CALN1: variants seen among roughly 807,000 people sequenced by gnomAD.
CALN1 encodes the protein calneuron 1, also known as calcium-binding protein 8.
Under a neutral mutation model 30.6 loss-of-function variants are expected in CALN1, and 17 were observed. That is an observed-to-expected ratio of 0.56 (90% CI 0.38 to 0.83). The LOEUF (loss-of-function observed/expected upper bound fraction) is 0.83. CALN1 is among the 40% of genes least tolerant of loss of function. The pLI is 0.00. For missense variants in CALN1, 291 were observed against 354.9 expected (o/e 0.82, Z 1.45); for synonymous variants, 156 against 131.4 (o/e 1.19, Z -1.28).
At chr7:72,444,901 G>C (rs1808474382) in intron 1 of CALN1, among the ~76,000 whole-genome samples, 1 of 152,050 alleles carries the variant, frequency 6.6e-6, no homozygotes, top group Non-Finnish European at 1.5e-5. Flanking sequence ...GTCCCCAAAG[G>C]CCATGCCTTT....
intron 2 of CALN1, among the ~76,000 whole-genome samples, chr7:72,339,338 TG>T (rs1431349923): frequency 2.0e-5 from 3 of 152,188 alleles, no homozygotes; most frequent in African/African-American, 7.2e-5. Context: ...TACTCAGCAG[TG>T]GGATTGCTGG....
At chr7:72,267,082 A>G (rs1247268325) in intron 3 of CALN1, among the ~76,000 whole-genome samples, 1 of 152,300 alleles carries the variant, frequency 6.6e-6, no homozygotes. Flanking sequence ...GAGCCATCAG[A>G]TAAGAGTTGT....
At position 72,320,773 on chromosome 7, in the gene CALN1, T is replaced by C. The variant is rs928416922; in HGVS notation, c.120-41963A>G. ...TTGCTTGAGCCAGGGAGGCGGAGGT[T>C]GCAGTGAGCCGAGACCACACCACTG... is the stretch of plus-strand genomic sequence containing the variant. On this transcript the variant is annotated intron_variant, in intron 2 of 6. Transcript: ENST00000395275. Among the ~76,000 whole-genome samples the C allele has an allele frequency of 2.7e-5, 4 of 146,308 alleles. No homozygotes were observed. The East Asian group carries it at 8.2e-4, about 30-fold the overall frequency.
the CALN1 span, among the ~76,000 whole-genome samples, chr7:72,493,284 T>C: frequency 6.6e-6 from 1 of 152,142 alleles, no homozygotes; most frequent in African/African-American, 2.4e-5. Context: ...GATGACTAAA[T>C]GGCCTCTTTC....
chr7:71,966,900 C>T (rs1797556672), intron 5 of CALN1, among the ~76,000 whole-genome samples: 1 of 152,190 alleles, frequency 6.6e-6, no homozygotes, highest in African/African-American at 2.4e-5. Flanking sequence ...AAGAGGCTTT[C>T]TCTAGACACT....
intron 5 of CALN1, among the ~76,000 whole-genome samples, chr7:71,840,117 T>A (rs1194371387): frequency 6.6e-6 from 1 of 152,204 alleles, no homozygotes; most frequent in Non-Finnish European, 1.5e-5. Context: ...TTAAGCCATT[T>A]AGAATTGGTG....
chr7:72,329,099 G>A (rs376337019), intron 2 of CALN1, among the ~76,000 whole-genome samples: 3 of 152,316 alleles, frequency 2.0e-5, no homozygotes, highest in East Asian at 3.9e-4. Flanking sequence ...GACAAGCATT[G>A]TTAACATTTT....
chr7:72,114,442 T>C (rs1807823262), intron 3 of CALN1, among the ~76,000 whole-genome samples: 1 of 151,600 alleles, frequency 6.6e-6, no homozygotes, highest in Admixed American at 6.6e-5. Context: ...TGATTGCTTC[T>C]AGCGAGCAGC....
intron 2 of CALN1, among the ~76,000 whole-genome samples, chr7:72,306,283 T>C (rs1799644471): frequency 6.6e-6 from 1 of 152,206 alleles, no homozygotes; most frequent in Non-Finnish European, 1.5e-5. Context: ...CTAGATCTTT[T>C]TCTTCCAGGC....
rs1914387 is a variant in CALN1, at chr7:72,272,931, G to A, written c.244+5755C>T. Among the ~76,000 whole-genome samples the A allele has an allele frequency of 1.6e-3, 238 of 152,170 alleles. 1 individual carries two copies. The highest frequency in any genetic ancestry group is 6.2e-3 in the Admixed American group (95 of 15,284). On this transcript the variant is annotated intron_variant, in intron 3 of 6. Transcript: ENST00000395275. ...GTGAAAGCCAAAATGTTCCTAGGAT[G>A]ACCAAACGTACAAGAGTAGCTTGGG...
intron 2 of CALN1, among the ~76,000 whole-genome samples, chr7:72,338,688 G>GT (rs1250505981): frequency 1.3e-5 from 2 of 151,914 alleles, no homozygotes. Flanking sequence ...TAGGTACATG[G>GT]TAGGTGTACA....
chr7:72,396,115 A>G (rs1805921310), intron 2 of CALN1, among the ~76,000 whole-genome samples: 1 of 151,492 alleles, frequency 6.6e-6, no homozygotes, highest in South Asian at 2.1e-4. Flanking sequence ...GAAGGAAGTC[A>G]GGCCGGGCAC....
chr7:72,134,096 G>A (rs762285150), intron 3 of CALN1, among the ~76,000 whole-genome samples: 13 of 152,180 alleles, frequency 8.5e-5, no homozygotes, highest in Non-Finnish European at 1.5e-4. Flanking sequence ...AGGCTGGAGG[G>A]ACCTAGCTTA....
rs370186876 is a variant in CALN1 at position 71,954,863 on chromosome 7, G to A, written c.501+68794C>T. Among the ~76,000 whole-genome samples the A allele has an allele frequency of 8.5e-5, 13 of 152,294 alleles. No individual in the cohort carries two copies. The East Asian group carries it at 2.1e-3, about 25-fold the overall frequency. ...GGTTGATTCAGAGCAGTGAAGAGGA[G>A]TGAGGTTTAACTCTTCTCTACAGGG... On this transcript the variant is annotated intron_variant, in intron 5 of 6. Transcript: ENST00000395275.
intron 2 of CALN1, among the ~76,000 whole-genome samples, chr7:72,304,902 T>A (rs1799544231): frequency 6.6e-6 from 1 of 152,356 alleles, no homozygotes. Context: ...ATTTCATTTT[T>A]ACAGCTAGAG....
At chr7:72,485,197 G>C in the CALN1 span, among the ~76,000 whole-genome samples, 2 of 152,190 alleles carry the variant, frequency 1.3e-5, no homozygotes, top group Admixed American at 6.5e-5. Context: ...TAAGGTTGCA[G>C]TGAGCTATGA....
chr7:72,129,783 G>T (rs895737557), intron 3 of CALN1, among the ~76,000 whole-genome samples: 6 of 152,028 alleles, frequency 3.9e-5, no homozygotes, highest in Non-Finnish European at 4.4e-5. Flanking sequence ...AACTCAAATA[G>T]CCATTAATAG....
At chr7:72,237,572 A>C (rs755460220) in intron 3 of CALN1, among the ~76,000 whole-genome samples, 13 of 152,130 alleles carry the variant, frequency 8.5e-5, no homozygotes, top group Admixed American at 3.3e-4. Context: ...AAATGCATTA[A>C]ACCAAGGAGA....
At chr7:72,044,775 C>A (rs1001484126) in intron 4 of CALN1, among the ~76,000 whole-genome samples, 1 of 151,768 alleles carries the variant, frequency 6.6e-6, no homozygotes, top group Non-Finnish European at 1.5e-5. Flanking sequence ...CCATGCCTGG[C>A]TAATTTTTTA....
Sources: allele counts gnomAD v4.1 joint callset (sites outside exome capture counted in the v4.1 genomes callset), GRCh38; gene constraint gnomAD v4.1.1; transcripts MANE v1.5; gene names NCBI Gene and HGNC (gene_info 2026-07-23, HGNC 2026-07-21).